FYB2: variants seen among roughly 807,000 people sequenced by gnomAD.
The protein encoded by FYB2 is FYN binding protein 2, also known as FYN-binding protein 2.
In FYB2, 103 loss-of-function variants were observed where a neutral mutation model predicts 94.1. The ratio of observed to expected loss-of-function variants is 1.09; its 90% CI spans 0.93 to 1.29. The LOEUF is 1.29. FYB2 is among the 50% of genes most tolerant of loss of function. The pLI is 0.00. For synonymous variants in FYB2, 293 were observed against 287.9 expected, an observed-to-expected ratio of 1.02 and a Z score of -0.18; for missense variants, 896 against 841.5, an observed-to-expected ratio of 1.06 and a Z score of -0.80.
chr1:56,817,491 A>G (rs901995417), intron 1 of FYB2, among the ~76,000 whole-genome samples: 7 of 152,140 alleles, frequency 4.6e-5, no homozygotes, highest in African/African-American at 1.7e-4. Flanking sequence ...AGTTACTGCC[A>G]TTTGACCCAT....
chr1:56,811,147 T>G (rs999489937), intron 1 of FYB2, among the ~76,000 whole-genome samples: 1 of 151,932 alleles, frequency 6.6e-6, no homozygotes, highest in Non-Finnish European at 1.5e-5. Flanking sequence ...ATCAGAGAGG[T>G]CAAATAACTT....
At chr1:56,767,790 C>A in intron 5 of FYB2, 39 bp downstream of exon 5, 2 of 1,428,364 alleles carry the variant, frequency 1.4e-6, no homozygotes, top group Admixed American at 1.9e-5. Context: ...ATTTTCATTC[C>A]ACACAGGGTT....
chr1:56,753,707 T>C, intron 8 of FYB2, 132 bp downstream of exon 8: 2 of 638,846 alleles, frequency 3.1e-6, no homozygotes, highest in Non-Finnish European at 5.5e-6. Flanking sequence ...TTTATTTCCT[T>C]GATACAATAT....
intron 1 of FYB2, among the ~76,000 whole-genome samples, chr1:56,801,706 T>G (rs925592006): frequency 6.6e-6 from 1 of 152,208 alleles, no homozygotes; most frequent in African/African-American, 2.4e-5. Context: ...ATTAGCCTCA[T>G]GGGCCTTAGC....
chr1:56,811,244 C>T (rs1410214933), intron 1 of FYB2, among the ~76,000 whole-genome samples: 1 of 152,160 alleles, frequency 6.6e-6, no homozygotes, highest in Non-Finnish European at 1.5e-5. Context: ...ATACGAGTTT[C>T]TCTCTCTCAG....
At chr1:56,760,998 CAG>C (rs1192071874) in intron 5 of FYB2, among the ~76,000 whole-genome samples, 1 of 152,150 alleles carries the variant, frequency 6.6e-6, no homozygotes, top group Non-Finnish European at 1.5e-5. Context: ...ACTTTCTGCA[CAG>C]AGTTATATAA....
At position 56,759,524 on chromosome 1, in the gene FYB2, G is replaced by T. The variant is rs967016901; in HGVS notation, c.1064-774C>A. 5.3e-5 allele frequency among the ~76,000 whole-genome samples: 8 copies of T among 152,052 alleles called. No individual in the cohort carries two copies. The South Asian group carries it at 1.2e-3, about 24-fold the overall frequency. On this transcript the variant is annotated intron_variant, in intron 5 of 19. Coordinates refer to ENST00000343433, the MANE Select transcript of FYB2 (RefSeq NM_001004303.5). ...TAGTTGTGTATCTAAACATAGAAAAGGTACAGTAAAAATACAGTATTATCA... is the reference window on the plus strand; with the variant it reads ...TAGTTGTGTATCTAAACATAGAAAATGTACAGTAAAAATACAGTATTATCA...
At chr1:56,780,175 C>G (rs1027946371) in intron 4 of FYB2, among the ~76,000 whole-genome samples, 5 of 152,120 alleles carry the variant, frequency 3.3e-5, no homozygotes, top group Non-Finnish European at 4.4e-5. Flanking sequence ...AACTAGGCCC[C>G]AAGTCTGCAA....
At chr1:56,729,913 CA>C (rs760889657) in intron 15 of FYB2, among the ~76,000 whole-genome samples, 1 of 151,990 alleles carries the variant, frequency 6.6e-6, no homozygotes, top group Non-Finnish European at 1.5e-5. Flanking sequence ...GGAAATTAAA[CA>C]ACATGCTCCT....
chr1:56,797,617 A>T (rs1318070096), intron 1 of FYB2, among the ~76,000 whole-genome samples: 2 of 152,088 alleles, frequency 1.3e-5, no homozygotes, highest in Admixed American at 6.5e-5. Context: ...TGCTTTGGGG[A>T]GCAGCTGTGG....
intron 13 of FYB2, among the ~76,000 whole-genome samples, chr1:56,739,540 C>G (rs991803712): frequency 6.6e-6 from 1 of 152,002 alleles, no homozygotes; most frequent in Non-Finnish European, 1.5e-5. Context: ...TTACCTTGGG[C>G]AAATTATTTT....
At chr1:56,721,025 G>GTTAT (rs901425457) in intron 17 of FYB2, among the ~76,000 whole-genome samples, 1 of 151,966 alleles carries the variant, frequency 6.6e-6, no homozygotes, top group African/African-American at 2.4e-5. Flanking sequence ...TATACTACAT[G>GTTAT]TTATTTCAAA....
intron 5 of FYB2, among the ~76,000 whole-genome samples, chr1:56,767,161 CCAG>C (rs1377756189): frequency 9.9e-5 from 15 of 152,194 alleles, no homozygotes; most frequent in African/African-American, 3.6e-4. Context: ...AGTGTTTATT[CCAG>C]CACTAAAATG....
intron 4 of FYB2, among the ~76,000 whole-genome samples, chr1:56,769,255 G>C (rs1474253023): frequency 2.0e-5 from 3 of 152,026 alleles, no homozygotes; most frequent in East Asian, 3.9e-4. Flanking sequence ...GCCCAGGCTG[G>C]TCTCGAACTC....
intron 1 of FYB2, among the ~76,000 whole-genome samples, chr1:56,796,361 C>T (rs566741519): frequency 6.6e-6 from 1 of 152,122 alleles, no homozygotes; most frequent in South Asian, 2.1e-4. Context: ...TGGTTAAAAC[C>T]ATGCCCCATT....
chr1:56,784,750 T>C (rs1372607245), intron 4 of FYB2, among the ~76,000 whole-genome samples: 1 of 152,194 alleles, frequency 6.6e-6, no homozygotes, highest in Non-Finnish European at 1.5e-5. Flanking sequence ...GGTCTGTCTA[T>C]CTGTTTGTCC....
At chr1:56,820,578 A>T (rs1281429261), upstream of FYB2, among the ~76,000 whole-genome samples, 1 of 152,200 alleles carries the variant, frequency 6.6e-6, no homozygotes, top group East Asian at 1.9e-4. Flanking sequence ...GGTGGAGCAC[A>T]GGTGAGGAGA....
chr1:56,740,696 C>A lies in FYB2; in HGVS notation c.1703+1G>T, dbSNP rs1389915110. Reference sequence around the variant, plus strand: ...GAAAGGGATTTAAAGGGACTTTTTACCTTAAGTTTTCTTTCGACTTGGTTT... The same window carrying A: ...GAAAGGGATTTAAAGGGACTTTTTAACTTAAGTTTTCTTTCGACTTGGTTT... On this transcript the variant is annotated splice_donor_variant, in intron 13 of 19. Transcript: ENST00000343433. LOFTEE classifies it high-confidence loss of function. 1.3e-6 allele frequency: 2 copies of A among 1,567,798 alleles called. No homozygotes were observed. The highest frequency in any genetic ancestry group is 8.7e-7 in the Non-Finnish European group (1 of 1,143,674).
chr1:56,780,886 G>A (rs1738403), intron 4 of FYB2, among the ~76,000 whole-genome samples: 73,313 of 151,966 alleles, frequency 0.48, 17,948 homozygotes, highest in Middle Eastern at 0.54. Context: ...GAAACTACCT[G>A]AATGTTCTGA....
Sources: gnomAD v4.1 joint callset for allele counts (sites outside exome capture counted in the v4.1 genomes callset) on GRCh38, gnomAD v4.1.1 for gene constraint, MANE v1.5 for transcripts, NCBI Gene and HGNC (gene_info 2026-07-23, HGNC 2026-07-21) for gene names.